CAPN14: variants seen among roughly 807,000 people sequenced by gnomAD.
CAPN14 encodes calpain-14.
Under a neutral mutation model 101.3 loss-of-function variants are expected in CAPN14, and 94 were observed. The observed-to-expected ratio is 0.93, with a 90% CI of 0.79 to 1.10. CAPN14 has a LOEUF of 1.10. CAPN14 is among the 50% of genes least tolerant of loss of function. The probability of loss-of-function intolerance (pLI) is 0.00; values close to 1 mark genes in which losing one functional copy is unlikely to be tolerated. For missense variants in CAPN14, 837 were observed against 828.4 expected, an observed-to-expected ratio of 1.01 and a Z score of -0.13; for synonymous variants, 338 against 317.9, an observed-to-expected ratio of 1.06 and a Z score of -0.67.
Position 31,176,575 on chromosome 2 carries a change from G to C in CAPN14, c.2028+12C>G. 3 of 1,550,944 alleles carry C rather than the reference G, an allele frequency of 1.9e-6. No homozygotes were observed. The highest frequency in any genetic ancestry group is 2.6e-6 in the Non-Finnish European group (3 of 1,146,312). On this transcript the variant is annotated intron_variant, in intron 21 of 21. Transcript: ENST00000403897. ...AAGATGACATGAGCCACCTCCTTGG[G>C]GCAAGTCTTACCTCTGGCTTCTGGA...
chr2:31,214,966 G>A (rs1682574258), intron 1 of CAPN14, among the ~76,000 whole-genome samples: 1 of 107,426 alleles, frequency 9.3e-6, no homozygotes, highest in Non-Finnish European at 2.0e-5. Flanking sequence ...ACTGTTGGGG[G>A]AGCCCTGGGG....
At chr2:31,231,240 C>T (rs552735014) in intron 1 of CAPN14, among the ~76,000 whole-genome samples, 1 of 152,108 alleles carries the variant, frequency 6.6e-6, no homozygotes, top group South Asian at 2.1e-4. Flanking sequence ...TTAGAATCAC[C>T]TTGTCAATTT....
intron 17 of CAPN14, 151 bp downstream of exon 17, chr2:31,180,785 T>G: frequency 1.6e-6 from 1 of 644,878 alleles, no homozygotes; most frequent in Non-Finnish European, 2.8e-6. Context: ...ATGCTTCAGA[T>G]GAGCATCTGG....
rs1220170130 is a variant in CAPN14, at chr2:31,230,389, G to A, written c.-177+3402C>T. Among the ~76,000 whole-genome samples the A allele has an allele frequency of 1.3e-5, 2 of 152,224 alleles. No individual in the cohort carries two copies. Among genetic ancestry groups the A allele is most frequent in the African/African-American group, 4.8e-5 (2 of 41,450 alleles). ...CACGCCTTGAAATAGAATGGAAGGAGATAGGTCATAGGACATGCACATCTT... is the reference window on the plus strand; with the variant it reads ...CACGCCTTGAAATAGAATGGAAGGAAATAGGTCATAGGACATGCACATCTT... On this transcript the variant is annotated intron_variant and NMD_transcript_variant, in intron 1 of 21. Coordinates refer to the CAPN14 transcript ENST00000398824. The surrounding 1 kb of genome is among the most constrained non-coding windows in gnomAD (Gnocchi z 4.3).
At chr2:31,185,888 T>C (rs762630007) in intron 16 of CAPN14, among the ~76,000 whole-genome samples, 17 of 152,322 alleles carry the variant, frequency 1.1e-4, no homozygotes, top group Non-Finnish European at 1.8e-4. Flanking sequence ...TCCAAATATA[T>C]GTATAAAATA....
chr2:31,198,853 A>C (rs1681603116), intron 7 of CAPN14, among the ~76,000 whole-genome samples: 1 of 152,166 alleles, frequency 6.6e-6, no homozygotes, highest in Non-Finnish European at 1.5e-5. Context: ...TACAAGGACC[A>C]ACCCAACATC....
rs752121613 is a variant in CAPN14, at chr2:31,192,051, C to A, written c.1162G>T (p.Glu388Ter). 6.4e-7 allele frequency: 1 copy of A among 1,551,384 alleles called. No homozygotes were observed. The highest frequency in any genetic ancestry group is 2.4e-5 in the East Asian group (1 of 40,920). ...PQFLLSVWRPEEGRRSLRPCS... is the reference protein window; with the variant it reads ...PQFLLSVWRP The stretch of plus-strand genomic sequence containing the variant: ...GGCCTCAGGGATCTCCTGCCCTCCT[C>A]GGGCCTCCAGACAGACAGCAGGAAC... The change falls in exon 11 of 22, where the codon GAG (glutamate) becomes TAG (stop). Residue 388 changes from glutamate to a stop codon, truncating the protein, a stop_gained. Coordinates refer to ENST00000403897, the MANE Select transcript of CAPN14 (RefSeq NM_001145122.2). LOFTEE classifies it high-confidence loss of function.
At chr2:31,186,398 A>T in intron 16 of CAPN14, 30 bp downstream of exon 16, 1 of 1,513,852 alleles carries the variant, frequency 6.6e-7, no homozygotes, top group Non-Finnish European at 8.9e-7. Flanking sequence ...ATCCCCTCTG[A>T]GTCCTACAGA....
At chr2:31,204,988 T>C (rs9789485) in intron 2 of CAPN14, among the ~76,000 whole-genome samples, 66,481 of 151,892 alleles carry the variant, frequency 0.44, 15,793 homozygotes, top group East Asian at 0.59. Context: ...CGTCTCTAGG[T>C]AGACAGTGTC....
intron 19 of CAPN14, 57 bp from the exon 20 acceptor site, chr2:31,177,199 C>T: frequency 2.5e-6 from 3 of 1,199,778 alleles, no homozygotes. Context: ...CAGCTCCCCT[C>T]CTGCTCAAGG....
intron 10 of CAPN14, 75 bp downstream of exon 10, chr2:31,193,056 A>T (rs1182640225): frequency 2.2e-6 from 3 of 1,394,202 alleles, no homozygotes; most frequent in African/African-American, 2.9e-5. Context: ...TCGTGCTGCA[A>T]CCCCCTGTGC....
Position 31,230,190 on chromosome 2 carries a change from C to G in CAPN14, c.-176-3539G>C, listed in dbSNP as rs1683147009. The stretch of plus-strand genomic sequence containing the variant: ...TGTTCCTCTCCTTCCTCCCACCCTC[C>G]ACCCTCAACTAGACCCCAGTGTGGT... On this transcript the variant is annotated intron_variant and NMD_transcript_variant, in intron 1 of 21. Coordinates refer to the CAPN14 transcript ENST00000398824. The surrounding 1 kb of genome is among the most constrained non-coding windows in gnomAD (Gnocchi z 4.3). Among the ~76,000 whole-genome samples, 1 of 152,214 alleles carries G rather than the reference C, an allele frequency of 6.6e-6. No homozygotes were observed. Among genetic ancestry groups the G allele is most frequent in the Admixed American group, 6.5e-5 (1 of 15,288 alleles).
At chr2:31,226,523 C>T (rs1304615237) in intron 2 of CAPN14, 2 of 152,276 alleles carry the variant, frequency 1.3e-5, no homozygotes, top group African/African-American at 4.8e-5. Flanking sequence ...GTAAACAACA[C>T]TTACAGCCCG....
At chr2:31,203,503 T>C (rs901087524) in intron 2 of CAPN14, among the ~76,000 whole-genome samples, 3 of 152,184 alleles carry the variant, frequency 2.0e-5, no homozygotes, top group Non-Finnish European at 4.4e-5. Flanking sequence ...TATTCCTCCT[T>C]CTTATTCCTG....
intron 21 of CAPN14, among the ~76,000 whole-genome samples, chr2:31,175,846 C>T (rs80209314): frequency 7.2e-5 from 11 of 152,190 alleles, no homozygotes; most frequent in African/African-American, 2.7e-4. Context: ...GGATTGAACT[C>T]CAGAGTCCAA....
intron 17 of CAPN14, among the ~76,000 whole-genome samples, chr2:31,178,834 G>T (rs28376508): frequency 0.25 from 38,305 of 151,864 alleles, 6,074 homozygotes; most frequent in African/African-American, 0.43. Context: ...GGTGATGATG[G>T]TGATGACCAC....
At chr2:31,198,754 C>T (rs1681594555) in intron 7 of CAPN14, among the ~76,000 whole-genome samples, 1 of 152,142 alleles carries the variant, frequency 6.6e-6, no homozygotes, top group Non-Finnish European at 1.5e-5. Context: ...GGTTCTTTAA[C>T]TTAAACCTGC....
chr2:31,193,804 G>A (rs1405281552), intron 9 of CAPN14, among the ~76,000 whole-genome samples: 1 of 152,208 alleles, frequency 6.6e-6, no homozygotes, highest in Non-Finnish European at 1.5e-5. Context: ...TTCAGTGAAA[G>A]ACCTTCCAAA....
intron 9 of CAPN14, among the ~76,000 whole-genome samples, chr2:31,194,116 C>T (rs73921579): frequency 0.02 from 3,003 of 152,208 alleles, 44 homozygotes; most frequent in South Asian, 0.044. Flanking sequence ...AAAGGCAAAA[C>T]CTGTTTTGAA....
Sources: allele counts gnomAD v4.1 joint callset (sites outside exome capture counted in the v4.1 genomes callset), GRCh38; gene constraint gnomAD v4.1.1; non-coding constraint Gnocchi (gnomAD v3.1); transcripts MANE v1.5; gene names NCBI Gene and HGNC (gene_info 2026-07-23, HGNC 2026-07-21).